Variants in ZNF385B observed in about 807,000 individuals in gnomAD.
ZNF385B encodes the protein zinc finger protein 533.
In ZNF385B, 23 loss-of-function variants were observed where a neutral mutation model predicts 39.2. The ratio of observed to expected loss-of-function variants is 0.59; its 90% CI spans 0.42 to 0.83. The LOEUF (loss-of-function observed/expected upper bound fraction) is 0.83, where lower values mean the gene tolerates loss of function less well. Ranked by LOEUF, ZNF385B falls within the 40% of genes least tolerant of loss-of-function variation. ZNF385B has a pLI of 0.00. For synonymous variants in ZNF385B, 205 were observed against 222.6 expected, an observed-to-expected ratio of 0.92 and a Z score of 0.70; for missense variants, 552 against 598.9, an observed-to-expected ratio of 0.92 and a Z score of 0.82.
intron 6 of ZNF385B, among the ~76,000 whole-genome samples, chr2:179,468,369 C>T (rs990197235): frequency 1.2e-4 from 19 of 152,136 alleles, no homozygotes; most frequent in Admixed American, 1.3e-4. Context: ...TCAACTTCTC[C>T]GGGTTGAAAA....
In ZNF385B at chr2:179,697,548, C is replaced by T. The variant is rs145271713; in HGVS notation, c.298+71955G>A. On this transcript the variant is annotated intron_variant, in intron 3 of 9. Coordinates refer to ENST00000410066, the MANE Select transcript of ZNF385B (RefSeq NM_152520.6). ...TTTTCCTTTATAAATTACACAGTCT[C>T]GGGCAGTTCTTATAGCAATGTGAGA... 4.5e-3 allele frequency among the ~76,000 whole-genome samples: 683 copies of T among 152,202 alleles called. 6 individuals are homozygous for T. Among genetic ancestry groups the T allele is most frequent in the African/African-American group, 0.016 (644 of 41,512 alleles).
chr2:179,634,506 C>A (rs1691548815), intron 3 of ZNF385B, among the ~76,000 whole-genome samples: 1 of 152,110 alleles, frequency 6.6e-6, no homozygotes, highest in Admixed American at 6.5e-5. Context: ...CAATGAGATA[C>A]CATCTCACAG....
At chr2:179,677,702 T>C (rs1697023954) in intron 3 of ZNF385B, among the ~76,000 whole-genome samples, 1 of 152,204 alleles carries the variant, frequency 6.6e-6, no homozygotes, top group Non-Finnish European at 1.5e-5. Context: ...TGGGAAAAGA[T>C]GAGGATGGTG....
chr2:179,584,875 A>G (rs1686923856), intron 3 of ZNF385B, among the ~76,000 whole-genome samples: 1 of 152,178 alleles, frequency 6.6e-6, no homozygotes, highest in Admixed American at 6.5e-5. Flanking sequence ...GTAGTGTTTG[A>G]AAGAGGAGCC....
chr2:179,825,244 T>C (rs147669850), intron 1 of ZNF385B, among the ~76,000 whole-genome samples: 28 of 152,292 alleles, frequency 1.8e-4, no homozygotes, highest in Admixed American at 3.9e-4. Context: ...GTGTGTCCTT[T>C]ATAGGACAGA....
rs114959220 is a variant in ZNF385B at position 179,597,848 on chromosome 2, C to T, written c.299-52879G>A. ...AGTTCAAATTCTAAGTTGAAGTGTC[C>T]CAATACCAAAAATTAACCATATGAA... On this transcript the variant is annotated intron_variant, in intron 3 of 9. Transcript: ENST00000410066. 4.7e-3 allele frequency among the ~76,000 whole-genome samples: 717 copies of T among 151,880 alleles called. 7 individuals carry two copies. Among genetic ancestry groups the T allele is most frequent in the African/African-American group, 0.016 (668 of 41,438 alleles).
intron 3 of ZNF385B, among the ~76,000 whole-genome samples, chr2:179,707,996 C>T (rs1559114348): frequency 6.6e-6 from 1 of 152,218 alleles, no homozygotes. Flanking sequence ...GCTCCAGAAT[C>T]TCAATAAGAG....
At chr2:179,468,728 C>G (rs76807013) in intron 6 of ZNF385B, among the ~76,000 whole-genome samples, 2,093 of 152,208 alleles carry the variant, frequency 0.014, 42 homozygotes, top group Middle Eastern at 0.037. Context: ...TGGACACTGG[C>G]AATGGAAAAG....
intron 1 of ZNF385B, among the ~76,000 whole-genome samples, chr2:179,843,691 T>G (rs1266201740): frequency 6.6e-6 from 1 of 152,226 alleles, no homozygotes; most frequent in African/African-American, 2.4e-5. Context: ...AGTTCAATGC[T>G]ACAACCCATC....
intron 3 of ZNF385B, among the ~76,000 whole-genome samples, chr2:179,708,135 C>T (rs889372562): frequency 6.6e-6 from 1 of 152,144 alleles, no homozygotes; most frequent in African/African-American, 2.4e-5. Context: ...GGCTCTGTGT[C>T]CCCACCCAAA....
At chr2:179,790,544 G>T (rs1221303232) in intron 1 of ZNF385B, among the ~76,000 whole-genome samples, 1 of 152,198 alleles carries the variant, frequency 6.6e-6, no homozygotes, top group Non-Finnish European at 1.5e-5. Context: ...TGTGTGTTCA[G>T]ATGGTTCTGA....
rs1017872753 is a variant in ZNF385B, at chr2:179,703,841, T to C, written c.298+65662A>G. On this transcript the variant is annotated intron_variant, in intron 3 of 9. Coordinates refer to ENST00000410066, the MANE Select transcript of ZNF385B (RefSeq NM_152520.6). ...GCAGCTGGGAAGTTGTAAACACACA[T>C]TGATAATGCCTCATGATGGAGGTAT... Among the ~76,000 whole-genome samples, 9 of 152,174 alleles carry C rather than the reference T, an allele frequency of 5.9e-5. 1 individual carries two copies. Among genetic ancestry groups the C allele is most frequent in the Non-Finnish European group, 8.8e-5 (6 of 68,034 alleles).
At chr2:179,525,471 A>G (rs977457754) in intron 4 of ZNF385B, among the ~76,000 whole-genome samples, 1 of 152,204 alleles carries the variant, frequency 6.6e-6, no homozygotes, top group African/African-American at 2.4e-5. Context: ...GGGAATATTT[A>G]GAAATTACGT....
intron 3 of ZNF385B, among the ~76,000 whole-genome samples, chr2:179,602,037 T>G (rs776384333): frequency 6.6e-6 from 1 of 152,166 alleles, no homozygotes; most frequent in Non-Finnish European, 1.5e-5. Flanking sequence ...GTATATAAAG[T>G]CTATGGCATC....
chr2:179,814,526 T>A (rs1706937974), intron 1 of ZNF385B: 1 of 744,250 alleles, frequency 1.3e-6, no homozygotes, highest in Non-Finnish European at 2.2e-6. Flanking sequence ...ACATCATGGT[T>A]GTCTTGGGGA....
intron 4 of ZNF385B, among the ~76,000 whole-genome samples, chr2:179,522,010 T>C (rs987383953): frequency 6.6e-6 from 1 of 152,226 alleles, no homozygotes; most frequent in Non-Finnish European, 1.5e-5. Flanking sequence ...TTTTTATATT[T>C]AAATGTCATT....
intron 3 of ZNF385B, among the ~76,000 whole-genome samples, chr2:179,713,012 G>C (rs569084428): frequency 6.6e-6 from 1 of 152,118 alleles, no homozygotes; most frequent in Non-Finnish European, 1.5e-5. Flanking sequence ...AGTCAACCAC[G>C]TGATCAGGAG....
chr2:179,514,236 C>T (rs889993620), intron 5 of ZNF385B: 3 of 152,708 alleles, frequency 2.0e-5, no homozygotes, highest in South Asian at 3.8e-4. Flanking sequence ...GCTTGCGGCT[C>T]CTTCCTTCCC....
intron 3 of ZNF385B, among the ~76,000 whole-genome samples, chr2:179,590,747 T>C (rs1687486108): frequency 6.6e-6 from 1 of 152,042 alleles, no homozygotes; most frequent in South Asian, 2.1e-4. Context: ...TCTCAGGAGA[T>C]CTGATTGCTT....
Sources: allele counts gnomAD v4.1 joint callset (sites outside exome capture counted in the v4.1 genomes callset), GRCh38; gene constraint gnomAD v4.1.1; transcripts MANE v1.5; gene names NCBI Gene and HGNC (gene_info 2026-07-23, HGNC 2026-07-21).